NUTM2G: variants seen among roughly 807,000 people sequenced by gnomAD.
NUTM2G encodes NUT family member 2G, also known as family with sequence similarity 22, member G.
NUTM2G carries 29 observed loss-of-function variants against 44.3 expected under a neutral mutation model. The ratio of observed to expected loss-of-function variants is 0.66; its 90% CI spans 0.49 to 0.89. The LOEUF (loss-of-function observed/expected upper bound fraction) is 0.89. Ranked by LOEUF, NUTM2G falls within the 40% of genes least tolerant of loss-of-function variation. NUTM2G has a pLI of 0.00. For synonymous variants in NUTM2G, 205 were observed against 395.9 expected (o/e 0.52, Z 5.72); for missense variants, 502 against 946.5 (o/e 0.53, Z 6.16).
chr9:96,929,717 G>A (rs1826177993), intron 1 of NUTM2G, among the ~76,000 whole-genome samples: 1 of 151,808 alleles, frequency 6.6e-6, no homozygotes, highest in Non-Finnish European at 1.5e-5. Flanking sequence ...GGTTTCCTGA[G>A]TTGTTCTGAA....
chr9:96,942,802 A>C (rs1407039484), downstream of NUTM2G: 1 of 151,948 alleles, frequency 6.6e-6, no homozygotes, highest in African/African-American at 2.4e-5. Context: ...CAAACAACAC[A>C]GAAATCTCAC....
At chr9:96,929,168 A>T (rs1214593853) in intron 1 of NUTM2G, 128 bp downstream of exon 1, 3 of 1,478,916 alleles carry the variant, frequency 2.0e-6, no homozygotes, top group Non-Finnish European at 2.8e-6. Context: ...GTCCCCAAGG[A>T]CATCACACCT....
intron 3 of NUTM2G, 141 bp downstream of exon 3, chr9:96,935,597 T>C: frequency 6.6e-7 from 1 of 1,524,918 alleles, no homozygotes; most frequent in Non-Finnish European, 8.9e-7. Context: ...CCTGGCTCCC[T>C]CAGGAAGCTG....
At position 96,935,470 on chromosome 9, in the gene NUTM2G, C is replaced by T; in HGVS notation, c.842+14C>T. 6.2e-7 allele frequency: 1 copy of T among 1,612,016 alleles called. No individual in the cohort carries two copies. Among genetic ancestry groups the T allele is most frequent in the Non-Finnish European group, 8.5e-7 (1 of 1,179,860 alleles). On this transcript the variant is annotated intron_variant, in intron 3 of 6. Transcript: ENST00000372322. ...GATGGCGGCAAAGTGAGTCTGGGGT[C>T]CTGGGGGCAGGGCCCGTGTGGCGGG...
At chr9:96,933,267 C>A (rs1040837546) in intron 2 of NUTM2G, among the ~76,000 whole-genome samples, 6 of 151,898 alleles carry the variant, frequency 4.0e-5, no homozygotes, top group Non-Finnish European at 8.8e-5. Flanking sequence ...CATGACCCAC[C>A]GTGCCCGGCT....
chr9:96,930,843 C>T lies in NUTM2G; in HGVS notation c.17-879C>T, dbSNP rs563640916. On this transcript the variant is annotated intron_variant, in intron 1 of 6. Transcript: ENST00000372322. ...TGGGTTATCTTCAGGGTTCCTAGGG[C>T]GCTGGCTTGGGCGAGTTTCCATCCA... Among the ~76,000 whole-genome samples, 9 of 127,368 alleles carry T rather than the reference C, an allele frequency of 7.1e-5. No individual in the cohort carries two copies. In the East Asian group the frequency reaches 2.5e-3, roughly 35 times the overall value. The allele number at this position is 127,368 out of a possible 152,430, so 83.6% of individuals were successfully genotyped here.
At chr9:96,940,900 AGG>A, downstream of NUTM2G, among the ~76,000 whole-genome samples, 1 of 152,364 alleles carries the variant, frequency 6.6e-6, no homozygotes, top group Non-Finnish European at 1.5e-5. Context: ...GCCTTTGGGA[AGG>A]AGAGTTTATC....
intron 3 of NUTM2G, among the ~76,000 whole-genome samples, chr9:96,936,164 C>T (rs951361465): frequency 2.1e-4 from 31 of 149,350 alleles, no homozygotes; most frequent in African/African-American, 7.4e-4. Context: ...GAGGGGTTCC[C>T]GGGACCCTCC....
At position 96,938,003 on chromosome 9, in the gene NUTM2G, T is replaced by A; in HGVS notation, c.1440+2T>A. ...GAGGAAGGACTCACCCTTGCCCAGG[T>A]AGAGCAGCAGAGGGAGGGGAACCCA... On this transcript the variant is annotated splice_donor_variant, in intron 6 of 6. Transcript: ENST00000372322. LOFTEE classifies it high-confidence loss of function. 1 of 1,612,288 alleles carries A rather than the reference T, an allele frequency of 6.2e-7. No individual in the cohort carries two copies.
In NUTM2G at chr9:96,938,745, T is replaced by TC. The variant is rs1161049406; in HGVS notation, c.1823dup (p.His609ThrfsTer5). 28 of 1,599,730 alleles carry TC rather than the reference T, an allele frequency of 1.8e-5. No homozygotes were observed. The highest frequency in any genetic ancestry group is 2.3e-5 in the Non-Finnish European group (27 of 1,177,148). On this transcript the variant is annotated frameshift_variant, in exon 7 of 7. Transcript: ENST00000372322. LOFTEE classifies it low-confidence loss of function (END_TRUNC). Reference sequence around the variant, plus strand: ...CCCTGGAGAGTCTCCTGTCAAGGAGTCACATGGGCTGGCTAAGGGGTCAAG... The same window carrying TC: ...CCCTGGAGAGTCTCCTGTCAAGGAGTCCACATGGGCTGGCTAAGGGGTCAAG...
intron 2 of NUTM2G, 138 bp downstream of exon 2, chr9:96,932,556 T>C: frequency 7.5e-7 from 1 of 1,329,096 alleles, no homozygotes; most frequent in Non-Finnish European, 1.1e-6. Context: ...GGAAGGTACA[T>C]TTTCAGCAAC....
chr9:96,937,051 C>T lies in NUTM2G; in HGVS notation c.983-13C>T. 6.3e-7 allele frequency: 1 copy of T among 1,595,512 alleles called. No homozygotes were observed. Among genetic ancestry groups the T allele is most frequent in the Non-Finnish European group, 8.5e-7 (1 of 1,174,600 alleles). ...GCCCTCACCACACCCATCCTCCTCCCTCTCTGCCTCAGTGTACCTTCCCAG... is the reference window on the plus strand; with the variant it reads ...GCCCTCACCACACCCATCCTCCTCCTTCTCTGCCTCAGTGTACCTTCCCAG... On this transcript the variant is annotated splice_polypyrimidine_tract_variant and intron_variant, in intron 4 of 6. Coordinates refer to ENST00000372322, the MANE Select transcript of NUTM2G (RefSeq NM_001170741.3).
chr9:96,935,790 C>T (rs1826411879), intron 3 of NUTM2G, among the ~76,000 whole-genome samples: 1 of 152,158 alleles, frequency 6.6e-6, no homozygotes, highest in South Asian at 2.1e-4. Flanking sequence ...TGACTAAAGA[C>T]AGAGTGGGGG....
chr9:96,935,684 C>T (rs999677024), intron 3 of NUTM2G, among the ~76,000 whole-genome samples: 6 of 152,214 alleles, frequency 3.9e-5, no homozygotes, highest in Admixed American at 2.0e-4. Flanking sequence ...TGGGGCCAAC[C>T]GCTGCCTTGA....
At position 96,938,588 on chromosome 9, in the gene NUTM2G, C is replaced by A. The variant is rs1826523536; in HGVS notation, c.1665C>A (p.Ala555=). ...AGGGCAGAGTGCGCACTGGCATGGC[C>A]AGGTCCGAAGACCCTGCTGTGCTTT... The part of the protein sequence containing the change: ...QGQGRVRTGM[A]RSEDPAVLLG... The change falls in exon 7 of 7, where the codon GCC becomes GCA. Residue 555 remains alanine, a synonymous_variant. Transcript: ENST00000372322. 12 of 1,612,808 alleles carry A rather than the reference C, an allele frequency of 7.4e-6. No homozygotes were observed. The highest frequency in any genetic ancestry group is 1.0e-5 in the Non-Finnish European group (12 of 1,179,720).
intron 2 of NUTM2G, among the ~76,000 whole-genome samples, chr9:96,934,273 A>G (rs1482079393): frequency 1.3e-5 from 2 of 152,160 alleles, no homozygotes; most frequent in Non-Finnish European, 2.9e-5. Context: ...CCCGCTGATG[A>G]GCAAACAGGA....
Position 96,931,901 on chromosome 9 carries a change from G to A in NUTM2G, c.196G>A (p.Ala66Thr). The change falls in exon 2 of 7, where the codon GCA becomes ACA. Residue 66 changes from alanine to threonine, a missense_variant. Coordinates refer to ENST00000372322, the MANE Select transcript of NUTM2G (RefSeq NM_001170741.3). ...LSAFPSTPLVAGQDGRGPSGA... is the reference protein window; with the variant it reads ...LSAFPSTPLVTGQDGRGPSGA... The stretch of plus-strand genomic sequence containing the variant: ...TGCCTTCCCCAGCACCCCTCTAGTG[G>A]CAGGACAGGATGGCCGCGGCCCAAG... 1.9e-6 allele frequency: 3 copies of A among 1,612,248 alleles called. No individual in the cohort carries two copies. The highest frequency in any genetic ancestry group is 2.5e-6 in the Non-Finnish European group (3 of 1,179,844).
In NUTM2G at chr9:96,937,152, C is replaced by T. The variant is rs573525485; in HGVS notation, c.1071C>T (p.His357=). Residue 357 remains histidine (H), a synonymous_variant, in exon 5 of 7, where the codon CAC becomes CAT. Coordinates refer to ENST00000372322, the MANE Select transcript of NUTM2G (RefSeq NM_001170741.3). The part of the protein sequence containing the change: ...RPQRPAETKA[H]LPPPRPPRPA... Reference sequence around the variant, plus strand: ...AGAGGCCAGCGGAGACCAAGGCCCACCTGCCACCACCCAGGCCCCCGAGGC... The same window carrying T: ...AGAGGCCAGCGGAGACCAAGGCCCATCTGCCACCACCCAGGCCCCCGAGGC... 2.5e-5 allele frequency: 41 copies of T among 1,612,190 alleles called. No individual in the cohort carries two copies. In the African/African-American group the frequency reaches 5.2e-4, roughly 20 times the overall value.
chr9:96,931,307 G>A (rs1471293155), intron 1 of NUTM2G, among the ~76,000 whole-genome samples: 4 of 151,608 alleles, frequency 2.6e-5, no homozygotes, highest in Middle Eastern at 3.4e-3. Flanking sequence ...CTGGTTTCCT[G>A]TCGGCCTTCT....
Sources: allele counts gnomAD v4.1 joint callset (sites outside exome capture counted in the v4.1 genomes callset), GRCh38; gene constraint gnomAD v4.1.1; transcripts MANE v1.5; gene names NCBI Gene and HGNC (gene_info 2026-07-23, HGNC 2026-07-21).